Variants in ST18 observed in about 807,000 individuals in gnomAD.
ST18 encodes suppression of tumorigenicity 18 protein.
In ST18, 50 loss-of-function variants were observed where a neutral mutation model predicts 110.0. The observed-to-expected ratio is 0.45, with a 90% CI of 0.36 to 0.58. ST18 has a LOEUF of 0.58. Ranked by LOEUF, ST18 falls within the 20% of genes least tolerant of loss-of-function variation. The pLI is 0.00. For missense variants in ST18, 1,306 were observed against 1,280.1 expected (o/e 1.02, Z -0.31); for synonymous variants, 461 against 452.4 (o/e 1.02, Z -0.24).
At chr8:52,220,217 C>T (rs1263348102) in intron 5 of ST18, among the ~76,000 whole-genome samples, 1 of 152,136 alleles carries the variant, frequency 6.6e-6, no homozygotes, top group Non-Finnish European at 1.5e-5. Context: ...GCATCTGTTG[C>T]AAAATATGTC....
At chr8:52,179,780 A>G (rs4281130) in intron 9 of ST18, among the ~76,000 whole-genome samples, 20,970 of 152,112 alleles carry the variant, frequency 0.14, 3,183 homozygotes, top group African/African-American at 0.38. Flanking sequence ...AATTTAAAGG[A>G]TTCTTTCAGG....
At chr8:52,312,524 C>A (rs1435554296) in intron 2 of ST18, among the ~76,000 whole-genome samples, 1 of 152,166 alleles carries the variant, frequency 6.6e-6, no homozygotes, top group Non-Finnish European at 1.5e-5. Flanking sequence ...TATCTCTATT[C>A]GATTCACCAG....
At chr8:52,248,249 TAC>T (rs1365347965) in intron 2 of ST18, among the ~76,000 whole-genome samples, 1 of 152,192 alleles carries the variant, frequency 6.6e-6, no homozygotes, top group Non-Finnish European at 1.5e-5. Flanking sequence ...AACTGATTTC[TAC>T]ACAGAGTTTT....
At chr8:52,339,523 G>C (rs1813841403) in intron 2 of ST18, among the ~76,000 whole-genome samples, 1 of 152,246 alleles carries the variant, frequency 6.6e-6, no homozygotes, top group Non-Finnish European at 1.5e-5. Context: ...GGCCACCTCA[G>C]AATCCTGCCT....
intron 16 of ST18, among the ~76,000 whole-genome samples, chr8:52,144,148 C>A (rs1214804703): frequency 6.6e-6 from 1 of 152,014 alleles, no homozygotes; most frequent in East Asian, 1.9e-4. Flanking sequence ...TCACAGATAA[C>A]AAATGATGGT....
At chr8:52,363,849 C>A (rs186412996) in intron 2 of ST18, among the ~76,000 whole-genome samples, 2 of 151,874 alleles carry the variant, frequency 1.3e-5, no homozygotes, top group East Asian at 3.9e-4. Flanking sequence ...TAACCATGAT[C>A]CAGTTTTATA....
chr8:52,161,518 G>A lies in ST18; in HGVS notation c.1451C>T (p.Thr484Ile). The A allele has an allele frequency of 6.2e-7, 1 of 1,614,230 alleles. No individual in the cohort carries two copies. The highest frequency in any genetic ancestry group is 8.5e-7 in the Non-Finnish European group (1 of 1,180,030). Residue 484 changes from threonine (T) to isoleucine (I), a missense_variant, in exon 14 of 26, where the codon ACC (threonine) becomes ATC (isoleucine). Transcript: ENST00000689386. ...IEFNFPSQAI[T>I]SPRATVSKEQ... ...TTTTGACACTGTGGCTCTGGGAGAG[G>A]TGATGGCTTGTGACGGGAAATTGAA...
chr8:52,326,857 A>T (rs1564502611), intron 2 of ST18, among the ~76,000 whole-genome samples: 1 of 152,202 alleles, frequency 6.6e-6, no homozygotes, highest in African/African-American at 2.4e-5. Context: ...AGCTTCTCAC[A>T]GGAGTGAGGA....
At chr8:52,389,724 G>C (rs900213488) in intron 2 of ST18, among the ~76,000 whole-genome samples, 1 of 152,182 alleles carries the variant, frequency 6.6e-6, no homozygotes, top group African/African-American at 2.4e-5. Context: ...GGCCCAACTG[G>C]CCCTGCACGG....
At position 52,221,770 on chromosome 8, in the gene ST18, A is replaced by G. The variant is rs1413821525; in HGVS notation, c.-395T>C. ...CCAGACATTAAATAGATGCTTCTTC[A>G]ACTTAAGTCAGCAACTGTAGTTCCT... is the stretch of plus-strand genomic sequence containing the variant. On this transcript the variant is annotated 5_prime_UTR_variant, in exon 4 of 26. Transcript: ENST00000689386. 4.6e-5 allele frequency: 7 copies of G among 152,130 alleles called. No homozygotes were observed. The highest frequency in any genetic ancestry group is 7.2e-5 in the African/African-American group (3 of 41,434). 9.4% of individuals were successfully genotyped at this position (152,130 alleles called of 1,614,324 possible).
chr8:52,242,467 C>G (rs955431924), intron 2 of ST18, among the ~76,000 whole-genome samples: 18 of 152,186 alleles, frequency 1.2e-4, no homozygotes, highest in Non-Finnish European at 2.1e-4. Flanking sequence ...CCATGATAAA[C>G]AGGGAATGCT....
intron 2 of ST18, among the ~76,000 whole-genome samples, chr8:52,316,445 T>A (rs945876648): frequency 6.6e-6 from 1 of 152,228 alleles, no homozygotes; most frequent in African/African-American, 2.4e-5. Context: ...TTTGCAAAAC[T>A]TTTTATAATT....
chr8:52,345,530 G>C (rs1333641930), intron 2 of ST18, among the ~76,000 whole-genome samples: 1 of 152,222 alleles, frequency 6.6e-6, no homozygotes, highest in Non-Finnish European at 1.5e-5. Context: ...ACAAACTCCA[G>C]TGAGTCTAAG....
intron 2 of ST18, among the ~76,000 whole-genome samples, chr8:52,324,598 C>T (rs1805468301): frequency 6.6e-6 from 1 of 152,184 alleles, no homozygotes; most frequent in Non-Finnish European, 1.5e-5. Flanking sequence ...ATGATTGTAC[C>T]ATTTCTGAGT....
intron 10 of ST18, 71 bp downstream of exon 10, chr8:52,171,721 A>T: frequency 6.5e-7 from 1 of 1,532,236 alleles, no homozygotes; most frequent in Non-Finnish European, 8.9e-7. Context: ...GAAAAAAATA[A>T]TCAAATCTGA....
chr8:52,169,028 C>G (rs568527377), intron 10 of ST18, among the ~76,000 whole-genome samples: 1 of 152,118 alleles, frequency 6.6e-6, no homozygotes, highest in East Asian at 1.9e-4. Context: ...TTCCCCTCCT[C>G]GCCACACTGT....
At chr8:52,231,367 C>G (rs2091298607) in intron 2 of ST18, among the ~76,000 whole-genome samples, 2 of 152,158 alleles carry the variant, frequency 1.3e-5, no homozygotes, top group African/African-American at 4.8e-5. Flanking sequence ...ACTTTCCTAG[C>G]TTCCAGAATG....
In ST18 at chr8:52,149,797, G is replaced by T. The variant is rs371534307; in HGVS notation, c.1987C>A (p.Gln663Lys). The T allele has an allele frequency of 6.8e-5, 109 of 1,614,022 alleles. No homozygotes were observed. The highest frequency in any genetic ancestry group is 8.8e-5 in the Non-Finnish European group (104 of 1,180,018). ...NAAFYQALCD[Q>K]EGWDTPINYS... ...TTGATAGGAGTGTCCCAGCCCTCTT[G>T]GTCACAAAGAGCCTGATAGAATGCT... The change falls in exon 16 of 26, where the codon CAA (glutamine) becomes AAA (lysine). Residue 663 changes from glutamine to lysine, a missense_variant. Gln to Lys is a moderately conservative substitution (Grantham distance 53). Transcript: ENST00000689386.
chr8:52,342,512 A>G (rs1815572408), intron 2 of ST18, among the ~76,000 whole-genome samples: 1 of 152,210 alleles, frequency 6.6e-6, no homozygotes, highest in Non-Finnish European at 1.5e-5. Flanking sequence ...CATGAGTGTT[A>G]GTTTATTTTG....
Sources: allele counts gnomAD v4.1 joint callset (sites outside exome capture counted in the v4.1 genomes callset), GRCh38; gene constraint gnomAD v4.1.1; transcripts MANE v1.5; gene names NCBI Gene and HGNC (gene_info 2026-07-23, HGNC 2026-07-21).